The following PTPRO variants were observed in gnomAD, a reference collection of about 807,000 sequenced individuals.
PTPRO encodes receptor-type tyrosine-protein phosphatase O.
Under a neutral mutation model 145.2 loss-of-function variants are expected in PTPRO, and 62 were observed. That is an observed-to-expected ratio of 0.43 (90% CI 0.35 to 0.53). The LOEUF is 0.53. Ranked by LOEUF, PTPRO falls within the 20% of genes least tolerant of loss-of-function variation. PTPRO has a pLI of 0.01. For missense variants in PTPRO, 1,345 were observed against 1,482.7 expected (o/e 0.91, Z 1.53); for synonymous variants, 565 against 514.7 (o/e 1.10, Z -1.32).
intron 2 of PTPRO, among the ~76,000 whole-genome samples, chr12:15,496,389 G>T (rs181719239): frequency 7.2e-4 from 110 of 151,996 alleles, no homozygotes; most frequent in Middle Eastern, 3.4e-3. Flanking sequence ...TGATCCACCC[G>T]CCTTGACCTT....
intron 7 of PTPRO, among the ~76,000 whole-genome samples, chr12:15,513,821 T>G (rs1942517560): frequency 6.6e-6 from 1 of 152,202 alleles, no homozygotes. Context: ...TCAAACTCTA[T>G]GAGGTATATA....
chr12:15,397,087 T>C (rs1015767893), intron 1 of PTPRO, among the ~76,000 whole-genome samples: 9 of 152,166 alleles, frequency 5.9e-5, no homozygotes, highest in African/African-American at 1.2e-4. Flanking sequence ...CAATAGAAAG[T>C]TCCTGTAATA....
intron 1 of PTPRO, among the ~76,000 whole-genome samples, chr12:15,478,940 G>A (rs957180161): frequency 6.6e-6 from 1 of 152,086 alleles, no homozygotes; most frequent in Non-Finnish European, 1.5e-5. Context: ...CAAAGTGGTG[G>A]GATTACAGGC....
chr12:15,392,463 A>G (rs1939213257), intron 1 of PTPRO, among the ~76,000 whole-genome samples: 1 of 151,412 alleles, frequency 6.6e-6, no homozygotes. Flanking sequence ...GCTCATCCCT[A>G]TAATCCCAGC....
At chr12:15,506,441 A>G (rs755464817) in intron 6 of PTPRO, among the ~76,000 whole-genome samples, 11 of 152,216 alleles carry the variant, frequency 7.2e-5, no homozygotes, top group Non-Finnish European at 1.2e-4. Context: ...TTACACTACT[A>G]TAAAGAACTA....
In PTPRO at chr12:15,544,010, G is replaced by A. The variant is rs573295909; in HGVS notation, c.2165-2559G>A. On this transcript the variant is annotated intron_variant, in intron 12 of 26. Coordinates refer to ENST00000281171, the MANE Select transcript of PTPRO (RefSeq NM_030667.3). ...AAGCAGGATCTTAAAGACATGGTAT[G>A]TTTGGATGTGATACCACAGACAATG... Among the ~76,000 whole-genome samples the A allele has an allele frequency of 4.6e-5, 7 of 152,290 alleles. No homozygotes were observed. The East Asian group carries it at 9.6e-4, about 21-fold the overall frequency.
intron 1 of PTPRO, among the ~76,000 whole-genome samples, chr12:15,405,281 C>G (rs1377673989): frequency 6.6e-6 from 1 of 152,106 alleles, no homozygotes; most frequent in Non-Finnish European, 1.5e-5. Flanking sequence ...AAAAGGGATC[C>G]AGGGATCCTG....
At chr12:15,467,771 T>C (rs1213749416) in intron 1 of PTPRO, among the ~76,000 whole-genome samples, 1 of 152,154 alleles carries the variant, frequency 6.6e-6, no homozygotes, top group Non-Finnish European at 1.5e-5. Flanking sequence ...GGAGCCAACT[T>C]CCACAAATAC....
chr12:15,564,638 A>G (rs1943853740), intron 17 of PTPRO, among the ~76,000 whole-genome samples: 1 of 152,232 alleles, frequency 6.6e-6, no homozygotes, highest in African/African-American at 2.4e-5. Flanking sequence ...AATTTTAAAT[A>G]TAAATAAATA....
intron 1 of PTPRO, among the ~76,000 whole-genome samples, chr12:15,472,892 G>A (rs566882387): frequency 2.0e-4 from 30 of 152,286 alleles, no homozygotes; most frequent in African/African-American, 7.0e-4. Context: ...CATACATACT[G>A]AAAGCCAGAA....
intron 1 of PTPRO, among the ~76,000 whole-genome samples, chr12:15,393,217 A>G (rs952152549): frequency 6.6e-6 from 1 of 151,704 alleles, no homozygotes; most frequent in Non-Finnish European, 1.5e-5. Context: ...ACTAACATGA[A>G]AAAAAAAATC....
chr12:15,420,265 A>T lies in PTPRO; in HGVS notation c.76-63709A>T, dbSNP rs80101254. ...GCCTCTTTCATAACTTATGGGGCAG[A>T]GCCCTAATTCCTTAGCATGTCATGA... On this transcript the variant is annotated intron_variant, in intron 1 of 26. Transcript: ENST00000281171. Among the ~76,000 whole-genome samples the T allele has an allele frequency of 0.013, 1,916 of 151,610 alleles. 142 individuals carry two copies. The East Asian group carries it at 0.18, about 15-fold the overall frequency.
At chr12:15,527,692 AAGGTG>A (rs1942869750) in intron 12 of PTPRO, among the ~76,000 whole-genome samples, 1 of 152,226 alleles carries the variant, frequency 6.6e-6, no homozygotes, top group African/African-American at 2.4e-5. Context: ...ATCTGGACTT[AAGGTG>A]CCACCTAGAG....
intron 1 of PTPRO, among the ~76,000 whole-genome samples, chr12:15,364,880 C>G (rs1189224904): frequency 6.6e-6 from 1 of 152,130 alleles, no homozygotes; most frequent in Non-Finnish European, 1.5e-5. Flanking sequence ...AATTCATATA[C>G]CAAATTTTGT....
At chr12:15,514,992 T>C (rs1942546149) in intron 7 of PTPRO, among the ~76,000 whole-genome samples, 1 of 152,028 alleles carries the variant, frequency 6.6e-6, no homozygotes, top group African/African-American at 2.4e-5. Context: ...CTTGAACTCC[T>C]GACTTCAAAT....
chr12:15,553,080 G>A lies in PTPRO; in HGVS notation c.2558+1409G>A, dbSNP rs903398478. On this transcript the variant is annotated intron_variant, in intron 15 of 26. Transcript: ENST00000281171. ...CTCCCAAAGTGCTGGGACTATAGGC[G>A]TGAGTCACCATGCTCGGCCTCCTTG... Among the ~76,000 whole-genome samples the A allele has an allele frequency of 5.9e-5, 9 of 152,010 alleles. No individual in the cohort carries two copies. The East Asian group carries it at 7.7e-4, about 13-fold the overall frequency.
chr12:15,409,294 G>T (rs541709514), intron 1 of PTPRO, among the ~76,000 whole-genome samples: 1 of 152,278 alleles, frequency 6.6e-6, no homozygotes, highest in African/African-American at 2.4e-5. Context: ...GGTATTGCCA[G>T]TCTACATAGA....
chr12:15,439,540 C>G lies in PTPRO; in HGVS notation c.76-44434C>G, dbSNP rs372904387. ...AGAAAACACCAAATAGCAGATGACG[C>G]TGGTGGAGCGAGGGGGCCCGGAGGA... On this transcript the variant is annotated intron_variant, in intron 1 of 26. Transcript: ENST00000281171. 2.5e-3 allele frequency: 627 copies of G among 248,244 alleles called. 5 individuals are homozygous for G. Among genetic ancestry groups the G allele is most frequent in the South Asian group, 9.2e-3 (195 of 21,122 alleles). 15.4% of individuals were successfully genotyped at this position (248,244 alleles called of 1,614,324 possible). A position where few individuals can be genotyped will look rare whatever the true frequency, so the allele number is the denominator to read the frequency against.
chr12:15,550,037 T>C (rs1387644719), intron 14 of PTPRO, among the ~76,000 whole-genome samples: 1 of 152,188 alleles, frequency 6.6e-6, no homozygotes, highest in Non-Finnish European at 1.5e-5. Context: ...TTCTAAAATA[T>C]ACAGTTGACG....
Sources: allele counts gnomAD v4.1 joint callset (sites outside exome capture counted in the v4.1 genomes callset), GRCh38; gene constraint gnomAD v4.1.1; transcripts MANE v1.5; gene names NCBI Gene and HGNC (gene_info 2026-07-23, HGNC 2026-07-21).